The following IFT88 variants were observed in gnomAD, a reference collection of about 807,000 sequenced individuals.
IFT88 encodes intraflagellar transport 88, also known as intraflagellar transport protein 88 homolog.
A neutral mutation model predicts 119.5 loss-of-function variants in IFT88; 74 were observed. The observed-to-expected ratio is 0.62, with a 90% CI of 0.51 to 0.75. IFT88 has a LOEUF of 0.75. IFT88 is among the 30% of genes least tolerant of loss of function. The pLI, the probability that IFT88 is intolerant of heterozygous loss-of-function variation, is 0.00. For synonymous variants in IFT88, 279 were observed against 316.7 expected (o/e 0.88, Z 1.26); for missense variants, 961 against 977.7 (o/e 0.98, Z 0.23).
intron 13 of IFT88, chr13:20,608,010 C>T (rs2043809012): frequency 1.7e-6 from 1 of 575,796 alleles, no homozygotes; most frequent in African/African-American, 1.9e-5. Flanking sequence ...GGAACATCAC[C>T]AGAGCCCACT....
At chr13:20,630,759 T>A (rs541363038) in intron 15 of IFT88, among the ~76,000 whole-genome samples, 3 of 152,336 alleles carry the variant, frequency 2.0e-5, no homozygotes, top group African/African-American at 7.2e-5. Flanking sequence ...TCTTCAGCTG[T>A]ATCTAATCTG....
At chr13:20,666,718 G>A (rs541723995) in intron 23 of IFT88, among the ~76,000 whole-genome samples, 3 of 151,882 alleles carry the variant, frequency 2.0e-5, no homozygotes, top group East Asian at 3.9e-4. Context: ...TCCAGGTTAG[G>A]AATCCCATCT....
intron 13 of IFT88, among the ~76,000 whole-genome samples, chr13:20,612,938 T>C (rs906822994): frequency 2.0e-5 from 3 of 152,072 alleles, no homozygotes; most frequent in Admixed American, 6.6e-5. Flanking sequence ...TACACAAAAA[T>C]TAACTAAAAT....
At chr13:20,617,309 A>G (rs2139700449) in intron 14 of IFT88, among the ~76,000 whole-genome samples, 1 of 152,218 alleles carries the variant, frequency 6.6e-6, no homozygotes, top group African/African-American at 2.4e-5. Flanking sequence ...AGGGATTCAG[A>G]TAAGCCAGAA....
At chr13:20,587,884 T>C (rs893009559) in intron 3 of IFT88, among the ~76,000 whole-genome samples, 3 of 152,042 alleles carry the variant, frequency 2.0e-5, no homozygotes, top group Admixed American at 2.0e-4. Flanking sequence ...AGCGTGTGAT[T>C]GGTTTTTATT....
At position 20,690,778 on chromosome 13, in the gene IFT88, A is replaced by G. The variant is rs111372975; in HGVS notation, c.2316A>G (p.Thr772=). Residue 772 remains threonine, a synonymous_variant, in exon 25 of 26, where the codon ACA becomes ACG. Coordinates refer to ENST00000351808, the MANE Select transcript of IFT88 (RefSeq NM_006531.5). The part of the protein sequence containing the change: ...LSARLRALPG[T]NEPYESSSNK... ...CCAGACTCAGAGCTTTACCTGGGACAAATGAACCTTATGAAAGTAGCAGTA... is the reference window on the plus strand; with the variant it reads ...CCAGACTCAGAGCTTTACCTGGGACGAATGAACCTTATGAAAGTAGCAGTA... 6.2e-7 allele frequency: 1 copy of G among 1,613,790 alleles called. No individual in the cohort carries two copies. The highest frequency in any genetic ancestry group is 8.5e-7 in the Non-Finnish European group (1 of 1,179,668).
chr13:20,585,810 T>A (rs1283601758), intron 3 of IFT88, among the ~76,000 whole-genome samples: 1 of 152,232 alleles, frequency 6.6e-6, no homozygotes, highest in Non-Finnish European at 1.5e-5. Context: ...AAACCCATAT[T>A]TTATTTATTT....
At chr13:20,656,917 G>A (rs2052906543) in intron 22 of IFT88, among the ~76,000 whole-genome samples, 2 of 152,110 alleles carry the variant, frequency 1.3e-5, no homozygotes, top group African/African-American at 4.8e-5. Context: ...AGAGTGCAGT[G>A]GTGTGATCTC....
intron 3 of IFT88, among the ~76,000 whole-genome samples, chr13:20,584,609 A>G (rs1408455455): frequency 1.3e-5 from 2 of 152,146 alleles, no homozygotes; most frequent in Non-Finnish European, 2.9e-5. Context: ...CAGTATTAGT[A>G]TTAAGGTTTT....
At chr13:20,581,030 T>C (rs893667825) in intron 2 of IFT88, among the ~76,000 whole-genome samples, 1 of 152,134 alleles carries the variant, frequency 6.6e-6, no homozygotes, top group Non-Finnish European at 1.5e-5. Flanking sequence ...GGCCTGAAGA[T>C]TATTATTTTT....
intron 17 of IFT88, among the ~76,000 whole-genome samples, chr13:20,639,227 C>G (rs960868865): frequency 2.0e-5 from 3 of 152,152 alleles, no homozygotes; most frequent in African/African-American, 7.2e-5. Context: ...ATTTTATTCT[C>G]TTTTCCATGT....
intron 13 of IFT88, among the ~76,000 whole-genome samples, chr13:20,608,886 T>G (rs771224211): frequency 6.6e-5 from 10 of 152,046 alleles, no homozygotes; most frequent in Non-Finnish European, 1.0e-4. Flanking sequence ...GAAACTGCTC[T>G]CTCTCTCTCC....
At chr13:20,646,469 ATTTTTG>A (rs10531870) in intron 20 of IFT88, among the ~76,000 whole-genome samples, 135,931 of 149,938 alleles carry the variant, frequency 0.91, 61,782 homozygotes, top group East Asian at 1. Context: ...CACCCGGCTA[ATTTTTG>A]TTTTTGTTTT....
chr13:20,601,698 C>T lies in IFT88; in HGVS notation c.813-7C>T, dbSNP rs1341357090. 1.3e-6 allele frequency: 2 copies of T among 1,556,050 alleles called. No homozygotes were observed. The highest frequency in any genetic ancestry group is 1.8e-6 in the Non-Finnish European group (2 of 1,133,310). On this transcript the variant is annotated splice_region_variant and splice_polypyrimidine_tract_variant and intron_variant, in intron 11 of 25. Coordinates refer to ENST00000351808, the MANE Select transcript of IFT88 (RefSeq NM_006531.5). ...TTTTAAAGCTAATCCATGTCTTTTT[C>T]TTTTAGGATTAAAATAATGCAGAAT...
chr13:20,690,641 C>A, intron 24 of IFT88, 64 bp from the exon 25 acceptor site: 1 of 1,045,382 alleles, frequency 9.6e-7, no homozygotes, highest in Non-Finnish European at 1.5e-6. Context: ...CTTTAAGATG[C>A]ATAATGTAGT....
chr13:20,641,333 C>T lies in IFT88; in HGVS notation c.1617C>T (p.Asp539=), dbSNP rs889913585. 3 of 1,612,626 alleles carry T rather than the reference C, an allele frequency of 1.9e-6. No homozygotes were observed. In the South Asian group the frequency reaches 3.3e-5, roughly 18 times the overall value. Residue 539 remains aspartate (D), a synonymous_variant, in exon 18 of 26, where the codon GAC becomes GAT. Coordinates refer to ENST00000351808, the MANE Select transcript of IFT88 (RefSeq NM_006531.5). ...EKLNRLDEAL[D]CFLKLHAILR... is the part of the protein sequence containing the mutation. ...TAAATCGGCTAGATGAGGCTTTGGACTGTTTCCTGAAACTTCACGCAATCC... is the reference window on the plus strand; with the variant it reads ...TAAATCGGCTAGATGAGGCTTTGGATTGTTTCCTGAAACTTCACGCAATCC...
chr13:20,603,722 T>TC (rs1404909975), intron 12 of IFT88, among the ~76,000 whole-genome samples: 2 of 151,724 alleles, frequency 1.3e-5, no homozygotes, highest in Non-Finnish European at 2.9e-5. Context: ...ATGGCGAAAC[T>TC]CCATCTCTAC....
At chr13:20,628,494 A>G (rs1883260136) in intron 15 of IFT88, among the ~76,000 whole-genome samples, 3 of 152,236 alleles carry the variant, frequency 2.0e-5, no homozygotes, top group African/African-American at 7.2e-5. Flanking sequence ...ATTTAGAATG[A>G]AATTTAATTT....
rs375302279 is a variant in IFT88 at position 20,626,307 on chromosome 13, G to A, written c.1299+458G>A. Among the ~76,000 whole-genome samples the A allele has an allele frequency of 9.9e-5, 15 of 152,024 alleles. No homozygotes were observed. The East Asian group carries it at 1.7e-3, about 18-fold the overall frequency. ...GATCTCCTGACCTTGTGATCCGCCCGCCTCGGCCTCCCAAAGTGCTGGGAT... is the reference window on the plus strand; with the variant it reads ...GATCTCCTGACCTTGTGATCCGCCCACCTCGGCCTCCCAAAGTGCTGGGAT... On this transcript the variant is annotated intron_variant, in intron 15 of 25. Coordinates refer to ENST00000351808, the MANE Select transcript of IFT88 (RefSeq NM_006531.5).
Sources: allele counts gnomAD v4.1 joint callset (sites outside exome capture counted in the v4.1 genomes callset), GRCh38; gene constraint gnomAD v4.1.1; transcripts MANE v1.5; gene names NCBI Gene and HGNC (gene_info 2026-07-23, HGNC 2026-07-21).